PHACTR1: variants seen among roughly 807,000 people sequenced by gnomAD.
PHACTR1 encodes phosphatase and actin regulator 1.
Under a neutral mutation model 69.2 loss-of-function variants are expected in PHACTR1, and 16 were observed. That is an observed-to-expected ratio of 0.23 (90% CI 0.16 to 0.35). The LOEUF is 0.35. Ranked by LOEUF, PHACTR1 falls within the 10% of genes least tolerant of loss-of-function variation. The pLI is 1.00. For synonymous variants in PHACTR1, 312 were observed against 284.5 expected (o/e 1.10, Z -0.97); for missense variants, 510 against 734.7 (o/e 0.69, Z 3.54).
chr6:12,918,353 A>G (rs909494112), intron 4 of PHACTR1, among the ~76,000 whole-genome samples: 1 of 152,224 alleles, frequency 6.6e-6, no homozygotes, highest in Non-Finnish European at 1.5e-5. Flanking sequence ...GTTAATTTTT[A>G]TGCTGTAGCC....
intron 5 of PHACTR1, among the ~76,000 whole-genome samples, chr6:13,139,949 G>T (rs1463311871): frequency 6.6e-6 from 1 of 152,088 alleles, no homozygotes; most frequent in Non-Finnish European, 1.5e-5. Flanking sequence ...GTCAAAGGAG[G>T]ACTTTAGTTT....
chr6:12,892,391 C>A (rs773168779), intron 4 of PHACTR1, among the ~76,000 whole-genome samples: 6 of 152,148 alleles, frequency 3.9e-5, no homozygotes, highest in Non-Finnish European at 7.3e-5. Flanking sequence ...TGGATAGTGG[C>A]TCTTCAGACC....
chr6:13,216,164 T>C (rs1767646480), intron 8 of PHACTR1, among the ~76,000 whole-genome samples: 1 of 152,208 alleles, frequency 6.6e-6, no homozygotes, highest in Non-Finnish European at 1.5e-5. Flanking sequence ...TAGAATTCTA[T>C]TATCCCATGA....
chr6:12,997,559 G>A (rs993416516), intron 4 of PHACTR1, among the ~76,000 whole-genome samples: 1 of 151,896 alleles, frequency 6.6e-6, no homozygotes, highest in African/African-American at 2.4e-5. Flanking sequence ...TATACATTGC[G>A]TGATGATTAA....
intron 10 of PHACTR1, among the ~76,000 whole-genome samples, chr6:13,257,350 T>A (rs1194124944): frequency 6.6e-6 from 1 of 152,168 alleles, no homozygotes; most frequent in East Asian, 1.9e-4. Flanking sequence ...CACTGGGTAT[T>A]ACAATTGAAC....
At chr6:13,016,633 T>A (rs1174984741) in intron 4 of PHACTR1, among the ~76,000 whole-genome samples, 3 of 135,456 alleles carry the variant, frequency 2.2e-5, no homozygotes, top group African/African-American at 9.0e-5. Flanking sequence ...TACTCAAGAG[T>A]TTTTTTTTTT....
intron 4 of PHACTR1, among the ~76,000 whole-genome samples, chr6:13,022,537 A>G (rs555940073): frequency 6.6e-6 from 1 of 152,314 alleles, no homozygotes; most frequent in African/African-American, 2.4e-5. Context: ...GCTTATTGGG[A>G]AACAACCATG....
chr6:12,721,692 C>G (rs1427166496), intron 3 of PHACTR1, among the ~76,000 whole-genome samples: 1 of 152,196 alleles, frequency 6.6e-6, no homozygotes, highest in East Asian at 1.9e-4. Context: ...GCTCCTTTCT[C>G]AAGTTCTGCT....
chr6:13,026,602 C>G (rs897748545), intron 4 of PHACTR1, among the ~76,000 whole-genome samples: 4 of 152,258 alleles, frequency 2.6e-5, no homozygotes, highest in Admixed American at 2.0e-4. Context: ...GTCTTCTCCT[C>G]TCTGTTCATG....
intron 12 of PHACTR1, among the ~76,000 whole-genome samples, chr6:13,281,870 A>G (rs1035718429): frequency 8.5e-5 from 13 of 152,188 alleles, no homozygotes; most frequent in Non-Finnish European, 1.9e-4. Flanking sequence ...GTGCCTAAGA[A>G]AGCCAAGGGA....
chr6:12,940,841 C>T (rs548169406), intron 4 of PHACTR1, among the ~76,000 whole-genome samples: 77 of 152,284 alleles, frequency 5.1e-4, no homozygotes, highest in African/African-American at 1.6e-3. Flanking sequence ...TGGACAGAGA[C>T]GCTTACTATC....
intron 4 of PHACTR1, among the ~76,000 whole-genome samples, chr6:12,861,968 G>T (rs62389900): frequency 0.072 from 10,963 of 152,250 alleles, 440 homozygotes; most frequent in Middle Eastern, 0.11. Context: ...CAAAATGTGT[G>T]TGTGTGTATC....
chr6:13,205,688 A>G, intron 7 of PHACTR1, 127 bp from the exon 8 acceptor site: 3 of 854,740 alleles, frequency 3.5e-6, no homozygotes, highest in Non-Finnish European at 5.4e-6. Context: ...TGGTGCCTCC[A>G]ACTGACGCAT....
intron 4 of PHACTR1, among the ~76,000 whole-genome samples, chr6:12,787,692 G>GA (rs1212240530): frequency 2.0e-5 from 3 of 152,176 alleles, no homozygotes; most frequent in Non-Finnish European, 4.4e-5. Context: ...AGGTTCCCGG[G>GA]ACCTTTCTTA....
chr6:12,886,242 AGTT>A (rs1446935540), intron 4 of PHACTR1, among the ~76,000 whole-genome samples: 2 of 136,178 alleles, frequency 1.5e-5, no homozygotes, highest in East Asian at 2.2e-4. Flanking sequence ...CTCATGTTAA[AGTT>A]GTTGTTTGAT....
chr6:13,023,299 T>C (rs763178408), intron 4 of PHACTR1, among the ~76,000 whole-genome samples: 3 of 152,202 alleles, frequency 2.0e-5, no homozygotes, highest in Non-Finnish European at 4.4e-5. Context: ...CCCTGACCTT[T>C]ATGTGGGCTT....
rs1294509358 is a variant in PHACTR1, at chr6:12,947,119, A to T, written c.251-106246A>T. Among the ~76,000 whole-genome samples the T allele has an allele frequency of 2.6e-5, 4 of 151,968 alleles. No individual in the cohort carries two copies. The East Asian group carries it at 7.7e-4, about 29-fold the overall frequency. ...AGGTATGCCCGGCCGATGGTGCTGG[A>T]TTTTTAGTGGAGGTCCCCTAGATCA... On this transcript the variant is annotated intron_variant, in intron 4 of 14. Transcript: ENST00000332995.
intron 4 of PHACTR1, among the ~76,000 whole-genome samples, chr6:12,812,521 A>G (rs1775133603): frequency 6.6e-6 from 1 of 152,220 alleles, no homozygotes; most frequent in Non-Finnish European, 1.5e-5. Context: ...TTTATAAAGC[A>G]AATAAACCAC....
intron 4 of PHACTR1, among the ~76,000 whole-genome samples, chr6:12,821,986 C>T (rs892580577): frequency 3.9e-5 from 6 of 152,166 alleles, no homozygotes; most frequent in African/African-American, 1.2e-4. Flanking sequence ...TTGTAAGCCC[C>T]ATGAGGAGAC....
Sources: gnomAD v4.1 joint callset for allele counts (sites outside exome capture counted in the v4.1 genomes callset) on GRCh38, gnomAD v4.1.1 for gene constraint, MANE v1.5 for transcripts, NCBI Gene and HGNC (gene_info 2026-07-23, HGNC 2026-07-21) for gene names.